Variants in SOX6 observed in about 807,000 individuals in gnomAD.
The protein encoded by SOX6 is transcription factor SOX-6.
Under a neutral mutation model 97.8 loss-of-function variants are expected in SOX6, and 11 were observed. The observed-to-expected ratio is 0.11, with a 90% CI of 0.07 to 0.19. The LOEUF is 0.19. Ranked by LOEUF, SOX6 falls within the 10% of genes least tolerant of loss-of-function variation. The pLI, the probability that SOX6 is intolerant of heterozygous loss-of-function variation, is 1.00. For missense variants in SOX6, 810 were observed against 1,039.5 expected, an observed-to-expected ratio of 0.78 and a Z score of 3.04; for synonymous variants, 360 against 371.4, an observed-to-expected ratio of 0.97 and a Z score of 0.35.
intron 2 of SOX6, among the ~76,000 whole-genome samples, chr11:16,716,473 T>C (rs1848220560): frequency 6.6e-6 from 1 of 152,198 alleles, no homozygotes; most frequent in African/African-American, 2.4e-5. Context: ...TTAGTGATCA[T>C]TTCATTTCAA....
In SOX6 at chr11:16,605,190, G is replaced by A. The variant is rs992102976; in HGVS notation, n.609+6891C>T. Reference sequence around the variant, plus strand: ...AGGAACGGCGGGTGGCGGGGCCCCGGCAGGGCGCCGAGAAGGACGGAGGGC... The same window carrying A: ...AGGAACGGCGGGTGGCGGGGCCCCGACAGGGCGCCGAGAAGGACGGAGGGC... On this transcript the variant is annotated intron_variant and non_coding_transcript_variant, in intron 4 of 5. Coordinates refer to the SOX6 transcript ENST00000524520. The surrounding 1 kb of genome is among the most constrained non-coding windows in gnomAD (Gnocchi z 5.3). Among the ~76,000 whole-genome samples the A allele has an allele frequency of 6.6e-6, 1 of 152,000 alleles. No homozygotes were observed.
At chr11:16,380,234 T>C (rs1857771212) in intron 1 of SOX6, among the ~76,000 whole-genome samples, 2 of 152,004 alleles carry the variant, frequency 1.3e-5, no homozygotes, top group Non-Finnish European at 2.9e-5. Context: ...TCTGATGCCA[T>C]AGGGAAATGC....
intron 12 of SOX6, among the ~76,000 whole-genome samples, chr11:16,041,558 C>G (rs1855665633): frequency 6.6e-6 from 1 of 151,986 alleles, no homozygotes; most frequent in Non-Finnish European, 1.5e-5. Context: ...ATATTGTTTT[C>G]CTATTTAATT....
At chr11:16,367,406 C>T (rs1230901537) in intron 1 of SOX6, among the ~76,000 whole-genome samples, 1 of 152,142 alleles carries the variant, frequency 6.6e-6, no homozygotes, top group African/African-American at 2.4e-5. Flanking sequence ...AGACAGTATA[C>T]ATACTGAGAT....
chr11:16,733,318 G>A (rs1248724699), intron 2 of SOX6, among the ~76,000 whole-genome samples: 1 of 152,088 alleles, frequency 6.6e-6, no homozygotes, highest in Non-Finnish European at 1.5e-5. Context: ...CAAAGACTTG[G>A]AACCAACCCA....
chr11:16,082,302 T>A (rs1848489862), intron 9 of SOX6, among the ~76,000 whole-genome samples: 1 of 152,182 alleles, frequency 6.6e-6, no homozygotes, highest in South Asian at 2.1e-4. Context: ...GAGGATCTGT[T>A]AAATAAGTCA....
intron 4 of SOX6, among the ~76,000 whole-genome samples, chr11:16,497,687 C>T (rs1244215614): frequency 1.3e-5 from 2 of 151,846 alleles, no homozygotes; most frequent in East Asian, 1.9e-4. Context: ...CCTAAGTAGC[C>T]GATTTGATCA....
chr11:16,413,512 CTTTTTTT>C (rs752774148), intron 1 of SOX6, among the ~76,000 whole-genome samples: 1 of 76,226 alleles, frequency 1.3e-5, no homozygotes, highest in African/African-American at 5.4e-5. Context: ...AAGACTTCTA[CTTTTTTT>C]TTTTTTTTTT....
chr11:16,413,482 TA>T (rs1348527365), intron 1 of SOX6, among the ~76,000 whole-genome samples: 8 of 151,616 alleles, frequency 5.3e-5, no homozygotes, highest in Admixed American at 1.3e-4. Flanking sequence ...TTAATTCATT[TA>T]GTTTAATTTG....
At chr11:16,187,319 T>C (rs978294) in intron 4 of SOX6, among the ~76,000 whole-genome samples, 82,948 of 151,920 alleles carry the variant, frequency 0.55, 23,038 homozygotes, top group East Asian at 0.75. Flanking sequence ...ATTATATTAA[T>C]ATTCTATAAT....
At chr11:16,390,891 A>G (rs1048527195) in intron 1 of SOX6, among the ~76,000 whole-genome samples, 3 of 152,210 alleles carry the variant, frequency 2.0e-5, no homozygotes, top group African/African-American at 7.2e-5. Context: ...ACACATGCAC[A>G]TGTATGTTTA....
rs192646334 is a variant in SOX6, at chr11:16,522,332, T to A, written n.610-45944A>T. Among the ~76,000 whole-genome samples, 277 of 152,284 alleles carry A rather than the reference T, an allele frequency of 1.8e-3. 1 individual carries two copies. Among genetic ancestry groups the A allele is most frequent in the African/African-American group, 6.3e-3 (262 of 41,562 alleles). ...GACAGTGGGGGCCAATATTCAATAT[T>A]CTTAAAGAAAAGAATTTTCAACCCA... On this transcript the variant is annotated intron_variant and non_coding_transcript_variant, in intron 4 of 5. Transcript: ENST00000524520.
At chr11:16,394,899 C>A (rs1590183462) in intron 1 of SOX6, among the ~76,000 whole-genome samples, 1 of 151,850 alleles carries the variant, frequency 6.6e-6, no homozygotes, top group South Asian at 2.1e-4. Flanking sequence ...CACAAAGTGA[C>A]AGACTACACT....
At chr11:16,549,190 G>T (rs967674584) in intron 4 of SOX6, among the ~76,000 whole-genome samples, 1 of 151,890 alleles carries the variant, frequency 6.6e-6, no homozygotes, top group Non-Finnish European at 1.5e-5. Flanking sequence ...TTTTTTTGAG[G>T]CGGCATTTCA....
At chr11:16,591,323 A>T (rs1848148767) in intron 4 of SOX6, among the ~76,000 whole-genome samples, 1 of 71,686 alleles carries the variant, frequency 1.4e-5, no homozygotes, top group African/African-American at 5.3e-5. Flanking sequence ...AGATACATAG[A>T]TAGATAGATA....
At chr11:16,672,212 C>A (rs550410471) in intron 3 of SOX6, among the ~76,000 whole-genome samples, 82 of 152,252 alleles carry the variant, frequency 5.4e-4, no homozygotes, top group Non-Finnish European at 1.0e-3. Context: ...ATACACAGAC[C>A]AGTGACACTA....
chr11:16,398,879 C>T (rs1428715274), intron 1 of SOX6, among the ~76,000 whole-genome samples: 4 of 150,224 alleles, frequency 2.7e-5, no homozygotes, highest in Non-Finnish European at 3.0e-5. Flanking sequence ...ACTAGTAGAC[C>T]AAGTAAAATA....
At chr11:16,195,635 T>C (rs1174796930) in intron 4 of SOX6, among the ~76,000 whole-genome samples, 2 of 152,186 alleles carry the variant, frequency 1.3e-5, no homozygotes, top group African/African-American at 4.8e-5. Flanking sequence ...ACTCTAGAAA[T>C]TAGCAGCAAG....
intron 12 of SOX6, among the ~76,000 whole-genome samples, chr11:16,022,187 AT>A: frequency 6.6e-6 from 1 of 152,292 alleles, no homozygotes; most frequent in Non-Finnish European, 1.5e-5. Context: ...TGTTAAAGAT[AT>A]TACTTAATGT....
Sources: gnomAD v4.1 joint callset for allele counts (sites outside exome capture counted in the v4.1 genomes callset) on GRCh38, gnomAD v4.1.1 for gene constraint, Gnocchi (gnomAD v3.1) non-coding constraint, MANE v1.5 for transcripts, NCBI Gene and HGNC (gene_info 2026-07-23, HGNC 2026-07-21) for gene names.